The following SPATS2 variants were observed in gnomAD, a reference collection of about 807,000 sequenced individuals.
SPATS2 encodes spermatogenesis associated serine rich 2, also known as spermatogenesis-associated serine-rich protein 2.
In SPATS2, 38 loss-of-function variants were observed where a neutral mutation model predicts 63.7. That is an observed-to-expected ratio of 0.60 (90% CI 0.46 to 0.78). The LOEUF is 0.78. Ranked by LOEUF, SPATS2 falls within the 30% of genes least tolerant of loss-of-function variation. The pLI, the probability that SPATS2 is intolerant of heterozygous loss-of-function variation, is 0.00. For synonymous variants in SPATS2, 207 were observed against 232.9 expected (o/e 0.89, Z 1.01); for missense variants, 588 against 666.2 (o/e 0.88, Z 1.29).
At chr12:49,484,391 T>A (rs934214429) in intron 3 of SPATS2, among the ~76,000 whole-genome samples, 199 bp from the exon 4 acceptor site, 1 of 152,240 alleles carries the variant, frequency 6.6e-6, no homozygotes, top group African/African-American at 2.4e-5. Flanking sequence ...TGTGACAGTT[T>A]TTATTAAAAT....
intron 2 of SPATS2, among the ~76,000 whole-genome samples, chr12:49,402,863 A>T (rs1308769056): frequency 6.6e-6 from 1 of 152,216 alleles, no homozygotes; most frequent in Non-Finnish European, 1.5e-5. Flanking sequence ...TAAGAGTGTG[A>T]GAGAGAAAAC....
intron 2 of SPATS2, among the ~76,000 whole-genome samples, chr12:49,458,132 A>T (rs1226100311): frequency 2.0e-5 from 3 of 152,132 alleles, no homozygotes; most frequent in African/African-American, 2.4e-5. Context: ...TTTTCCAGTC[A>T]GGTGCCCAGG....
rs1254647860 is a variant in SPATS2 at position 49,494,943 on chromosome 12, T to C, written c.467T>C (p.Ile156Thr). 1.4e-5 allele frequency: 22 copies of C among 1,613,914 alleles called. No homozygotes were observed. The highest frequency in any genetic ancestry group is 1.7e-5 in the Non-Finnish European group (20 of 1,179,988). ...SLSEGLETLSIDARELEDPES... is the reference protein window; with the variant it reads ...SLSEGLETLSTDARELEDPES... The stretch of plus-strand genomic sequence containing the variant: ...AGTGAAGGTTTGGAGACACTTTCAA[T>C]AGATGCCAGAGAATTGGAGGATCCC... The change falls in exon 7 of 14, where the codon ATA (isoleucine) becomes ACA (threonine). Residue 156 changes from isoleucine to threonine, a missense_variant. Transcript: ENST00000552918.
At chr12:49,407,572 A>C (rs1944718857) in intron 2 of SPATS2, among the ~76,000 whole-genome samples, 1 of 152,140 alleles carries the variant, frequency 6.6e-6, no homozygotes, top group Non-Finnish European at 1.5e-5. Flanking sequence ...TTTCCTATGC[A>C]GGTAGCATGG....
chr12:49,446,747 A>C (rs1945517839), intron 2 of SPATS2, among the ~76,000 whole-genome samples: 1 of 152,188 alleles, frequency 6.6e-6, no homozygotes, highest in Non-Finnish European at 1.5e-5. Flanking sequence ...AATCCAGACT[A>C]ATCTCCTTAT....
intron 2 of SPATS2, among the ~76,000 whole-genome samples, chr12:49,394,042 A>G (rs573810965): frequency 6.6e-6 from 1 of 152,098 alleles, no homozygotes; most frequent in South Asian, 2.1e-4. Flanking sequence ...GCATTTTCAT[A>G]TGGATTTTAG....
At chr12:49,483,062 T>TA (rs1946232417) in intron 3 of SPATS2, among the ~76,000 whole-genome samples, 1 of 148,358 alleles carries the variant, frequency 6.7e-6, no homozygotes, top group Admixed American at 6.9e-5. Context: ...ATGTTCGGAT[T>TA]ATAGGCGTGA....
At chr12:49,481,409 C>A (rs1487703001) in intron 3 of SPATS2, among the ~76,000 whole-genome samples, 1 of 151,326 alleles carries the variant, frequency 6.6e-6, no homozygotes, top group Non-Finnish European at 1.5e-5. Flanking sequence ...GAAATGGTTC[C>A]TGATAGAGTG....
intron 2 of SPATS2, among the ~76,000 whole-genome samples, chr12:49,405,185 A>G (rs1944673368): frequency 1.3e-5 from 2 of 151,996 alleles, no homozygotes; most frequent in African/African-American, 2.4e-5. Context: ...GCTACCATTC[A>G]TTTTCTATGT....
At chr12:49,493,101 A>T (rs1168160554) in intron 6 of SPATS2, among the ~76,000 whole-genome samples, 2 of 75,528 alleles carry the variant, frequency 2.6e-5, no homozygotes, top group African/African-American at 2.6e-4. Context: ...TCCGTCTTTA[A>T]AAAAAAAAAA....
rs548555798 is a variant in SPATS2, at chr12:49,492,212, CTTTTTTCTTTTTT to C, written c.264+1494_264+1506del. ...TGGAAAACACCAGTTTCTTTTTTTT[CTTTTTTCTTTTTT>C]TTTTTTCTTTTTGAGATGGAGTTTT... On this transcript the variant is annotated intron_variant, in intron 6 of 13. Coordinates refer to ENST00000552918, the MANE Select transcript of SPATS2 (RefSeq NM_023071.4). Among the ~76,000 whole-genome samples, 127 of 150,602 alleles carry C rather than the reference CTTTTTTCTTTTTT, an allele frequency of 8.4e-4. 4 individuals are homozygous for C. The Middle Eastern group carries it at 0.031, about 37-fold the overall frequency.
intron 2 of SPATS2, among the ~76,000 whole-genome samples, chr12:49,401,245 A>G (rs568431082): frequency 4.6e-5 from 7 of 152,186 alleles, no homozygotes; most frequent in Non-Finnish European, 1.0e-4. Flanking sequence ...TCCTGGGCTC[A>G]TATGATCCTT....
At chr12:49,421,703 C>G (rs994316051) in intron 2 of SPATS2, among the ~76,000 whole-genome samples, 1 of 152,120 alleles carries the variant, frequency 6.6e-6, no homozygotes, top group Non-Finnish European at 1.5e-5. Context: ...AGGGCCTATT[C>G]ATTTAAATAA....
At chr12:49,436,197 C>T (rs1302377502) in intron 2 of SPATS2, among the ~76,000 whole-genome samples, 4 of 151,096 alleles carry the variant, frequency 2.6e-5, no homozygotes, top group African/African-American at 9.8e-5. Context: ...CAGAGGGGCT[C>T]CTCACTTCCC....
chr12:49,492,309 T>C (rs2137889990), intron 6 of SPATS2, among the ~76,000 whole-genome samples: 1 of 151,726 alleles, frequency 6.6e-6, no homozygotes, highest in East Asian at 1.9e-4. Context: ...AGCCTCCGCC[T>C]CCTGGGTTCA....
At chr12:49,473,526 TATC>T (rs1433832805) in intron 3 of SPATS2, among the ~76,000 whole-genome samples, 2 of 152,216 alleles carry the variant, frequency 1.3e-5, no homozygotes, top group Non-Finnish European at 2.9e-5. Flanking sequence ...AAGCTACACA[TATC>T]ATATTTAGTT....
chr12:49,403,031 G>T (rs1388381732), intron 2 of SPATS2, among the ~76,000 whole-genome samples: 2 of 152,178 alleles, frequency 1.3e-5, no homozygotes, highest in African/African-American at 4.8e-5. Flanking sequence ...AGGAATTGAG[G>T]AGGAGTGGAG....
intron 2 of SPATS2, among the ~76,000 whole-genome samples, chr12:49,391,161 C>T (rs575614700): frequency 2.6e-5 from 4 of 152,256 alleles, no homozygotes; most frequent in Admixed American, 1.3e-4. Context: ...CAGCTGAAAG[C>T]GGGGGTAGAG....
chr12:49,436,424 G>A (rs4523768), intron 2 of SPATS2, among the ~76,000 whole-genome samples: 1 of 119,220 alleles, frequency 8.4e-6, no homozygotes, highest in Non-Finnish European at 1.8e-5. Context: ...CCCTCCCGGA[G>A]GGGGCGGCTG....
Sources: allele counts gnomAD v4.1 joint callset (sites outside exome capture counted in the v4.1 genomes callset), GRCh38; gene constraint gnomAD v4.1.1; transcripts MANE v1.5; gene names NCBI Gene and HGNC (gene_info 2026-07-23, HGNC 2026-07-21).